RABGAP1: variants seen among roughly 807,000 people sequenced by gnomAD.
RABGAP1 encodes the protein rab GTPase-activating protein 1.
A neutral mutation model predicts 137.6 loss-of-function variants in RABGAP1; 23 were observed. The observed-to-expected ratio is 0.17, with a 90% CI of 0.12 to 0.24. RABGAP1 has a LOEUF of 0.24. Among genes scored for constraint, RABGAP1 ranks in the 10% least tolerant of loss-of-function variants. The probability of loss-of-function intolerance (pLI) is 1.00; values close to 1 mark genes in which losing one functional copy is unlikely to be tolerated. For missense variants in RABGAP1, 906 were observed against 1,275.8 expected (o/e 0.71, Z 4.42); for synonymous variants, 451 against 450.7 (o/e 1.00, Z -0.01).
rs57474987 is a variant in RABGAP1, at chr9:123,077,164, G to GT, written c.2424+415dup. Among the ~76,000 whole-genome samples, 132 of 124,454 alleles carry GT rather than the reference G, an allele frequency of 1.1e-3. 1 individual carries two copies. Among genetic ancestry groups the GT allele is most frequent in the African/African-American group, 4.7e-3 (106 of 22,520 alleles). The allele number at this position is 124,454 out of a possible 152,430, so 81.6% of individuals were successfully genotyped here. A position where few individuals can be genotyped will look rare whatever the true frequency, so the allele number is the denominator to read the frequency against. Reference sequence around the variant, plus strand: ...TCTACTGTGCTGGTTTTTTGTTTTTGTTTTTTTTTTTTTCTTTTTTTTGAG... The same window carrying GT: ...TCTACTGTGCTGGTTTTTTGTTTTTGTTTTTTTTTTTTTTCTTTTTTTTGAG... On this transcript the variant is annotated intron_variant, in intron 19 of 25. Transcript: ENST00000373647.
rs372979763 is a variant in RABGAP1, at chr9:123,047,806, G to C, written c.1795-17542G>C. ...CTTACGGAATTCTTAATGCAGTGCAGCAGTTCACTGATGGAGCTGTTACAT... is the reference window on the plus strand; with the variant it reads ...CTTACGGAATTCTTAATGCAGTGCACCAGTTCACTGATGGAGCTGTTACAT... On this transcript the variant is annotated intron_variant, in intron 13 of 25. Transcript: ENST00000373647. Among the ~76,000 whole-genome samples the C allele has an allele frequency of 5.9e-3, 898 of 151,734 alleles. 4 individuals carry two copies. Among genetic ancestry groups the C allele is most frequent in the South Asian group, 8.8e-3 (42 of 4,796 alleles).
At chr9:123,082,756 A>G (rs1279607433) in intron 19 of RABGAP1, among the ~76,000 whole-genome samples, 1 of 152,266 alleles carries the variant, frequency 6.6e-6, no homozygotes, top group East Asian at 1.9e-4. Context: ...TACTTGTAAG[A>G]AAAGATACTA....
intron 19 of RABGAP1, among the ~76,000 whole-genome samples, chr9:123,079,300 C>T (rs1216144800): frequency 4.1e-5 from 6 of 146,814 alleles, no homozygotes; most frequent in African/African-American, 7.6e-5. Context: ...AGTGCAGTGG[C>T]GCAATCTCAG....
At chr9:122,954,874 ATCTC>A (rs1301863702) in intron 1 of RABGAP1, among the ~76,000 whole-genome samples, 1 of 152,208 alleles carries the variant, frequency 6.6e-6, no homozygotes, top group Non-Finnish European at 1.5e-5. Flanking sequence ...AAGTTACACC[ATCTC>A]TCTAAGACTT....
chr9:122,949,694 AAAAAAAAAAAAAAAAAAGG>A (rs1428583287), intron 1 of RABGAP1, among the ~76,000 whole-genome samples: 2 of 104,890 alleles, frequency 1.9e-5, no homozygotes, highest in Non-Finnish European at 3.4e-5. Flanking sequence ...ACTCTGTCTC[AAAAAAAAAAAAAAAAAAGG>A]AAAAAAAAAA....
At chr9:122,963,865 A>G (rs567839790) in intron 2 of RABGAP1, among the ~76,000 whole-genome samples, 6 of 152,234 alleles carry the variant, frequency 3.9e-5, no homozygotes, top group Non-Finnish European at 8.8e-5. Flanking sequence ...AACTTTAATT[A>G]GATTAACCAC....
intron 10 of RABGAP1, among the ~76,000 whole-genome samples, chr9:122,998,979 A>G (rs537912671): frequency 6.6e-6 from 1 of 152,218 alleles, no homozygotes; most frequent in East Asian, 1.9e-4. Context: ...GGTCTCATTT[A>G]CTTTCAACCC....
rs1564130146 is a variant in RABGAP1 at position 123,010,347 on chromosome 9, C to T, written c.1375-7C>T. ...TGCTTAATAAATAATATTTTTTCAT[C>T]TTCAAGATAAAGCAAAGGGAGAGAA... On this transcript the variant is annotated splice_polypyrimidine_tract_variant and splice_region_variant and intron_variant, in intron 10 of 25. Coordinates refer to ENST00000373647, the MANE Select transcript of RABGAP1 (RefSeq NM_012197.4). 2 of 1,593,672 alleles carry T rather than the reference C, an allele frequency of 1.3e-6. No homozygotes were observed. Among genetic ancestry groups the T allele is most frequent in the East Asian group, 2.2e-5 (1 of 44,670 alleles).
At chr9:122,987,566 C>T (rs1024695477) in intron 4 of RABGAP1, among the ~76,000 whole-genome samples, 4 of 151,502 alleles carry the variant, frequency 2.6e-5, no homozygotes, top group Middle Eastern at 6.8e-3. Flanking sequence ...AGTTTTATAT[C>T]GTAAACCTCT....
chr9:122,948,039 G>A (rs922332283), intron 1 of RABGAP1, among the ~76,000 whole-genome samples: 62 of 123,352 alleles, frequency 5.0e-4, no homozygotes, highest in African/African-American at 2.2e-3. Context: ...TCAGAGCCAG[G>A]AAAACACACA....
At chr9:122,968,586 TCTTTTA>T (rs970404888) in intron 2 of RABGAP1, among the ~76,000 whole-genome samples, 21 of 152,224 alleles carry the variant, frequency 1.4e-4, no homozygotes, top group Admixed American at 8.5e-4. Context: ...ACAGTTATAC[TCTTTTA>T]CTTTTATTTT....
At chr9:123,004,472 A>G (rs900637153) in intron 10 of RABGAP1, among the ~76,000 whole-genome samples, 5 of 151,864 alleles carry the variant, frequency 3.3e-5, no homozygotes, top group Admixed American at 2.0e-4. Context: ...TTTTGGAGAG[A>G]CGGAGTTTCA....
intron 2 of RABGAP1, among the ~76,000 whole-genome samples, chr9:122,972,946 G>A (rs375129462): frequency 1.3e-5 from 2 of 148,256 alleles, no homozygotes; most frequent in African/African-American, 5.0e-5. Context: ...ACCAGCCTAG[G>A]CAATATAGTG....
intron 15 of RABGAP1, among the ~76,000 whole-genome samples, chr9:123,072,881 G>A (rs191245551): frequency 6.6e-6 from 1 of 152,132 alleles, no homozygotes; most frequent in African/African-American, 2.4e-5. Flanking sequence ...AACATTTCCA[G>A]TGCTTCTTTT....
intron 13 of RABGAP1, among the ~76,000 whole-genome samples, chr9:123,041,836 A>G (rs571579217): frequency 2.8e-4 from 43 of 152,306 alleles, no homozygotes; most frequent in African/African-American, 7.0e-4. Context: ...CATAGAGACT[A>G]AAAAACAAGA....
intron 13 of RABGAP1, among the ~76,000 whole-genome samples, chr9:123,052,887 C>G (rs1043904557): frequency 6.6e-6 from 1 of 152,186 alleles, no homozygotes; most frequent in Non-Finnish European, 1.5e-5. Context: ...TTGCAGTGAG[C>G]CAAGATCACG....
intron 21 of RABGAP1, among the ~76,000 whole-genome samples, chr9:123,095,226 CAAAAAAA>C (rs55675466): frequency 4.9e-5 from 3 of 61,250 alleles, no homozygotes; most frequent in South Asian, 9.4e-4. Context: ...AACCTTGTCC[CAAAAAAA>C]AAAAAAAAAA....
chr9:123,018,489 CA>C (rs1018919250), intron 12 of RABGAP1, among the ~76,000 whole-genome samples: 8 of 152,288 alleles, frequency 5.3e-5, no homozygotes, highest in Admixed American at 4.6e-4. Flanking sequence ...CTATCATACA[CA>C]ATACTTAGAC....
At chr9:123,021,722 G>T (rs1377006294) in intron 13 of RABGAP1, among the ~76,000 whole-genome samples, 1 of 152,154 alleles carries the variant, frequency 6.6e-6, no homozygotes, top group Non-Finnish European at 1.5e-5. Flanking sequence ...TATCCAGACA[G>T]ATTTTTTTTG....
Sources: allele counts gnomAD v4.1 joint callset (sites outside exome capture counted in the v4.1 genomes callset), GRCh38; gene constraint gnomAD v4.1.1; transcripts MANE v1.5; gene names NCBI Gene and HGNC (gene_info 2026-07-23, HGNC 2026-07-21).